C4orf50: variants seen among roughly 807,000 people sequenced by gnomAD.
C4orf50 encodes uncharacterized protein C4orf50.
Under a neutral mutation model 77.2 loss-of-function variants are expected in C4orf50, and 80 were observed. The ratio of observed to expected loss-of-function variants is 1.04; its 90% CI spans 0.87 to 1.25. C4orf50 has a LOEUF of 1.25. Ranked by LOEUF, C4orf50 falls within the 50% of genes most tolerant of loss-of-function variation. The probability of loss-of-function intolerance (pLI) is 0.00; values close to 1 mark genes in which losing one functional copy is unlikely to be tolerated. For missense variants in C4orf50, 1,257 were observed against 1,152.9 expected (o/e 1.09, Z -1.31); for synonymous variants, 532 against 465.3 (o/e 1.14, Z -1.84).
exon 28 of C4orf50, chr4:5,988,593 G>C: frequency 3.9e-6 from 6 of 1,536,346 alleles, no homozygotes; most frequent in Non-Finnish European, 4.4e-6. Context: ...CCTCCTCCAA[G>C]GGTGGCCCAC....
chr4:6,003,932 T>TTATGGTGATGATGG (rs1260056914), intron 25 of C4orf50, among the ~76,000 whole-genome samples: 3 of 7,766 alleles, frequency 3.9e-4, no homozygotes, highest in African/African-American at 8.8e-4. Context: ...GTGATGGTGA[T>TTATGGTGATGATGG]GATGGTGATG....
At chr4:5,951,756 C>A (rs1041841236) in intron 7 of C4orf50, among the ~76,000 whole-genome samples, 6 of 152,186 alleles carry the variant, frequency 3.9e-5, no homozygotes, top group African/African-American at 1.4e-4. Context: ...TCTTCTCCAT[C>A]CCTTCCTATA....
chr4:5,910,236 C>G (rs1413990874), intron 7 of C4orf50, among the ~76,000 whole-genome samples: 1 of 152,138 alleles, frequency 6.6e-6, no homozygotes, highest in African/African-American at 2.4e-5. Flanking sequence ...AAAATGTGAA[C>G]AGAGCAGGTG....
At chr4:5,928,069 C>T (rs183272087) in intron 7 of C4orf50, among the ~76,000 whole-genome samples, 68 of 152,270 alleles carry the variant, frequency 4.5e-4, no homozygotes, top group African/African-American at 1.3e-3. Context: ...CACATTAATG[C>T]GTGGAACTTG....
chr4:5,938,420 A>G (rs1189044151), intron 7 of C4orf50, among the ~76,000 whole-genome samples: 2 of 152,198 alleles, frequency 1.3e-5, no homozygotes, highest in African/African-American at 4.8e-5. Context: ...GTTAACAATG[A>G]CAATGTCCTA....
At chr4:5,936,502 C>A (rs1272391938) in intron 7 of C4orf50, among the ~76,000 whole-genome samples, 1 of 132,868 alleles carries the variant, frequency 7.5e-6, no homozygotes, top group South Asian at 2.3e-4. Context: ...GTGAAGGCTG[C>A]AGTGAGCCGA....
Position 5,900,728 on chromosome 4 carries a change from A to G in C4orf50, c.*2475-2540T>C, listed in dbSNP as rs1258307615. ...GCTTTGTCACTGGACCGCAGATGTC[A>G]GTTAACCTCATCTGGGAATCAGTTT... is the stretch of plus-strand genomic sequence containing the variant. On this transcript the variant is annotated intron_variant, in intron 7 of 7. Transcript: ENST00000324058. This position sits in a 1 kb window ranked among gnomAD's most constrained non-coding sequence, Gnocchi z 4.3. The G allele has an allele frequency of 6.6e-6, 1 of 152,232 alleles. No homozygotes were observed. Among genetic ancestry groups the G allele is most frequent in the East Asian group, 1.9e-4 (1 of 5,196 alleles). The allele number at this position is 152,232 out of a possible 1,614,324, so 9.4% of individuals were successfully genotyped here. A position where few individuals can be genotyped will look rare whatever the true frequency, so the allele number is the denominator to read the frequency against.
At chr4:5,995,463 T>C (rs1425863035) in intron 25 of C4orf50, among the ~76,000 whole-genome samples, 1 of 127,578 alleles carries the variant, frequency 7.8e-6, no homozygotes, top group East Asian at 2.7e-4. Flanking sequence ...GGGGAGAGGC[T>C]TGGGACTGGA....
intron 7 of C4orf50, among the ~76,000 whole-genome samples, chr4:5,939,986 T>A (rs6824283): frequency 0.24 from 35,802 of 152,154 alleles, 5,368 homozygotes; most frequent in African/African-American, 0.42. Flanking sequence ...CCTCGGATCA[T>A]GCTAATGCTG....
chr4:5,925,050 G>T (rs1403314887), intron 7 of C4orf50, among the ~76,000 whole-genome samples: 1 of 152,064 alleles, frequency 6.6e-6, no homozygotes, highest in Non-Finnish European at 1.5e-5. Flanking sequence ...TGGTGGCCAT[G>T]CACCAGGTAG....
In C4orf50 at chr4:5,992,065, C is replaced by A. The variant is rs1208294973; in HGVS notation, c.1221+738G>T. On this transcript the variant is annotated intron_variant, in intron 27 of 33. Coordinates refer to ENST00000531445, the Ensembl canonical transcript of C4orf50. The surrounding 1 kb of genome is among the most constrained non-coding windows in gnomAD (Gnocchi z 5.0). ...GAGCAAGTTCCTTAACCTGCTGGAG[C>A]CTCAGCCACCTCACCTGTCAAATGG... is the stretch of plus-strand genomic sequence containing the variant. Among the ~76,000 whole-genome samples the A allele has an allele frequency of 3.9e-5, 6 of 152,186 alleles. No individual in the cohort carries two copies. Among genetic ancestry groups the A allele is most frequent in the African/African-American group, 7.2e-5 (3 of 41,454 alleles).
chr4:5,993,989 G>T (rs1196149225), intron 26 of C4orf50, among the ~76,000 whole-genome samples: 1 of 152,172 alleles, frequency 6.6e-6, no homozygotes, highest in Admixed American at 6.5e-5. Context: ...GGAAGTGGGG[G>T]GACAGGACGG....
chr4:5,987,684 G>A (rs1212772042), intron 28 of C4orf50, among the ~76,000 whole-genome samples: 1 of 151,730 alleles, frequency 6.6e-6, no homozygotes, highest in African/African-American at 2.4e-5. Flanking sequence ...AGAGGGTGGA[G>A]CGAGATGGGA....
At chr4:5,927,358 C>T (rs1208025879) in intron 7 of C4orf50, among the ~76,000 whole-genome samples, 3 of 152,066 alleles carry the variant, frequency 2.0e-5, no homozygotes, top group African/African-American at 7.2e-5. Context: ...CTAACCTCTC[C>T]CCCAAGCCCC....
chr4:5,980,031 T>G (rs1720488288), intron 29 of C4orf50, 143 bp downstream of exon 7: 1 of 505,280 alleles, frequency 2.0e-6, no homozygotes, highest in Non-Finnish European at 3.4e-6. Flanking sequence ...TTTTTCCTGG[T>G]ACTGCCTTAT....
intron 7 of C4orf50, among the ~76,000 whole-genome samples, chr4:5,921,676 A>T (rs577071599): frequency 1.3e-5 from 2 of 152,204 alleles, no homozygotes; most frequent in South Asian, 2.1e-4. Context: ...GAGGAGGAGG[A>T]GGGGACACTC....
At chr4:5,963,463 C>CT (rs896060700) in intron 33 of C4orf50, among the ~76,000 whole-genome samples, 9 of 151,914 alleles carry the variant, frequency 5.9e-5, no homozygotes, top group African/African-American at 1.9e-4. Flanking sequence ...CAATAGCTAT[C>CT]TTTTTTTTAA....
chr4:5,989,083 T>G, exon 28 of C4orf50: 2 of 1,536,104 alleles, frequency 1.3e-6, no homozygotes, highest in Non-Finnish European at 1.7e-6. Flanking sequence ...TTTCTTTAAC[T>G]GAGAGATGTC....
chr4:5,972,769 G>A (rs772610409), intron 31 of C4orf50, among the ~76,000 whole-genome samples: 6 of 152,354 alleles, frequency 3.9e-5, no homozygotes, highest in East Asian at 1.9e-4. Context: ...GGTCTCACCC[G>A]CGCACATAAG....
Sources: allele counts gnomAD v4.1 joint callset (sites outside exome capture counted in the v4.1 genomes callset), GRCh38; gene constraint gnomAD v4.1.1; non-coding constraint Gnocchi (gnomAD v3.1); transcripts MANE v1.5; gene names NCBI Gene and HGNC (gene_info 2026-07-23, HGNC 2026-07-21).